Variants in ARB2A observed in about 807,000 individuals in gnomAD.
The protein encoded by ARB2A is cotranscriptional regulator ARB2A.
the ARB2A span, among the ~76,000 whole-genome samples, chr5:94,110,738 A>C: frequency 3.3e-5 from 5 of 152,262 alleles, no homozygotes; most frequent in African/African-American, 1.2e-4. Flanking sequence ...TACATTAAAA[A>C]ATCGCACTGA....
chr5:94,068,733 C>T, the ARB2A span, among the ~76,000 whole-genome samples: 11 of 151,976 alleles, frequency 7.2e-5, no homozygotes, highest in African/African-American at 2.4e-4. Flanking sequence ...CAGTCACCTT[C>T]CCCAGCTAGG....
the ARB2A span, chr5:93,735,607 A>C: frequency 6.6e-6 from 1 of 152,264 alleles, no homozygotes; most frequent in Non-Finnish European, 1.5e-5. Flanking sequence ...AAGGCTTTCC[A>C]GAAGGGCTGT....
the ARB2A span, among the ~76,000 whole-genome samples, chr5:94,066,718 A>C: frequency 1.3e-5 from 2 of 152,292 alleles, no homozygotes; most frequent in East Asian, 3.9e-4. Context: ...AGAAAAGTTC[A>C]GGACCATATG....
At chr5:94,031,857 C>T in the ARB2A span, among the ~76,000 whole-genome samples, 6 of 152,294 alleles carry the variant, frequency 3.9e-5, no homozygotes, top group Admixed American at 1.3e-4. Context: ...CCAAAAAGTA[C>T]AAGCCATAAA....
At chr5:93,966,966 C>A in the ARB2A span, among the ~76,000 whole-genome samples, 377 of 151,956 alleles carry the variant, frequency 2.5e-3, 4 homozygotes, top group Non-Finnish European at 2.5e-4. Context: ...GAATTCTCCT[C>A]TCTGTCCATC....
the ARB2A span, among the ~76,000 whole-genome samples, chr5:94,070,874 C>A: frequency 6.6e-6 from 1 of 151,938 alleles, no homozygotes; most frequent in Non-Finnish European, 1.5e-5. Context: ...GAAAAAAAGT[C>A]AACAAACCTG....
At chr5:93,805,789 T>C in the ARB2A span, 1 of 985,200 alleles carries the variant, frequency 1.0e-6, no homozygotes, top group Non-Finnish European at 1.2e-6. Context: ...TGTCGTTCAG[T>C]CCTATAAACG....
chr5:93,975,488 A>C, the ARB2A span, among the ~76,000 whole-genome samples: 1 of 152,082 alleles, frequency 6.6e-6, no homozygotes, highest in Non-Finnish European at 1.5e-5. Flanking sequence ...AAACCATCCA[A>C]ATGATCAACA....
the ARB2A span, among the ~76,000 whole-genome samples, chr5:94,091,499 C>T: frequency 7.2e-4 from 110 of 152,264 alleles, no homozygotes; most frequent in East Asian, 0.016. Flanking sequence ...AGAAGAGGCT[C>T]AAATGGCCTC....
At chr5:93,846,160 A>T in the ARB2A span, among the ~76,000 whole-genome samples, 3 of 152,110 alleles carry the variant, frequency 2.0e-5, no homozygotes, top group African/African-American at 7.2e-5. Context: ...TCTTTTTCTG[A>T]TAAGATAAGG....
At chr5:93,842,063 A>C in the ARB2A span, among the ~76,000 whole-genome samples, 1 of 152,234 alleles carries the variant, frequency 6.6e-6, no homozygotes, top group Non-Finnish European at 1.5e-5. Context: ...ACAAAAGACT[A>C]CATGCAATAT....
the ARB2A span, among the ~76,000 whole-genome samples, chr5:93,646,321 G>GT: frequency 6.7e-5 from 10 of 149,632 alleles, no homozygotes; most frequent in South Asian, 2.1e-4. Flanking sequence ...AAAAAATTCT[G>GT]TTTTTTTTTC....
the ARB2A span, among the ~76,000 whole-genome samples, chr5:93,723,349 T>G: frequency 6.6e-6 from 1 of 152,156 alleles, no homozygotes; most frequent in Non-Finnish European, 1.5e-5. Flanking sequence ...TAACTGGTAT[T>G]GTTGGCACCA....
the ARB2A span, among the ~76,000 whole-genome samples, chr5:93,838,918 T>A: frequency 6.6e-6 from 1 of 152,188 alleles, no homozygotes; most frequent in African/African-American, 2.4e-5. Flanking sequence ...TTTGCAGAAA[T>A]TGTTTATCAG....
At chr5:93,697,246 C>A in the ARB2A span, among the ~76,000 whole-genome samples, 5 of 151,764 alleles carry the variant, frequency 3.3e-5, no homozygotes, top group African/African-American at 1.2e-4. Context: ...CTAATAATTA[C>A]TAGTTTTCTC....
the ARB2A span, among the ~76,000 whole-genome samples, chr5:93,779,122 T>TGTGTGTGTGC: frequency 2.7e-5 from 4 of 147,268 alleles, no homozygotes; most frequent in African/African-American, 7.6e-5. Flanking sequence ...TGTGTGTGTG[T>TGTGTGTGTGC]GTGCGCGCGC....
chr5:93,904,070 A>G, the ARB2A span, among the ~76,000 whole-genome samples: 2 of 151,936 alleles, frequency 1.3e-5, no homozygotes, highest in Non-Finnish European at 2.9e-5. Flanking sequence ...ATGGCAGAGA[A>G]GTATTTGAAA....
At chr5:93,984,451 T>C in the ARB2A span, among the ~76,000 whole-genome samples, 1 of 152,230 alleles carries the variant, frequency 6.6e-6, no homozygotes, top group Non-Finnish European at 1.5e-5. Flanking sequence ...ACTACAACTA[T>C]ACTTACGGAT....
chr5:93,704,293 C>T, the ARB2A span, among the ~76,000 whole-genome samples: 2 of 152,128 alleles, frequency 1.3e-5, no homozygotes, highest in African/African-American at 4.8e-5. Context: ...GGACTTGCAA[C>T]AAACTTATAA....
Sources: allele counts gnomAD v4.1 joint callset (sites outside exome capture counted in the v4.1 genomes callset), GRCh38; gene constraint gnomAD v4.1.1; transcripts MANE v1.5; gene names NCBI Gene and HGNC (gene_info 2026-07-23, HGNC 2026-07-21).